The following SRBD1 variants were observed in gnomAD, a reference collection of about 807,000 sequenced individuals.
The protein encoded by SRBD1 is S1 RNA binding domain 1.
In SRBD1, 88 loss-of-function variants were observed where a neutral mutation model predicts 115.3. The ratio of observed to expected loss-of-function variants is 0.76; its 90% CI spans 0.64 to 0.91. The LOEUF (loss-of-function observed/expected upper bound fraction) is 0.91, where lower values mean the gene tolerates loss of function less well. SRBD1 is among the 40% of genes least tolerant of loss of function. The probability of loss-of-function intolerance (pLI) is 0.00; values close to 1 mark genes in which losing one functional copy is unlikely to be tolerated. For synonymous variants in SRBD1, 509 were observed against 407.7 expected (o/e 1.25, Z -2.99); for missense variants, 1,385 against 1,177.4 (o/e 1.18, Z -2.58).
At chr2:45,509,293 C>T (rs1189985282) in intron 14 of SRBD1, among the ~76,000 whole-genome samples, 2 of 152,028 alleles carry the variant, frequency 1.3e-5, no homozygotes, top group African/African-American at 4.8e-5. Flanking sequence ...CAAAATTTTA[C>T]GTATTAGAAA....
rs1308998298 is a variant in SRBD1, at chr2:45,414,747, TAC to T, written c.2334-1456_2334-1455del. Among the ~76,000 whole-genome samples, 69 of 111,954 alleles carry T rather than the reference TAC, an allele frequency of 6.2e-4. 2 individuals are homozygous for T. Among genetic ancestry groups the T allele is most frequent in the South Asian group, 4.7e-3 (17 of 3,610 alleles). 73.4% of individuals were successfully genotyped at this position (111,954 alleles called of 152,430 possible). On this transcript the variant is annotated intron_variant, in intron 18 of 20. Coordinates refer to ENST00000263736, the MANE Select transcript of SRBD1 (RefSeq NM_018079.5). ...ACACACACAGTGTGTATATAGTATGTACACACACACAGTGTGTATATAGTATG... is the reference window on the plus strand; with the variant it reads ...ACACACACAGTGTGTATATAGTATGTACACACACAGTGTGTATATAGTATG...
chr2:45,498,918 C>T (rs74597610), intron 14 of SRBD1, among the ~76,000 whole-genome samples: 12,552 of 152,188 alleles, frequency 0.082, 725 homozygotes, highest in African/African-American at 0.15. Context: ...TAGATTGATT[C>T]CATATCTTGG....
intron 9 of SRBD1, among the ~76,000 whole-genome samples, chr2:45,571,537 A>AAAAAAAAAAC (rs1553356650): frequency 1.4e-5 from 2 of 143,802 alleles, no homozygotes; most frequent in Admixed American, 7.3e-5. Flanking sequence ...AAAAAAAAAA[A>AAAAAAAAAAC]AAAAACTGTC....
intron 15 of SRBD1, among the ~76,000 whole-genome samples, chr2:45,484,641 A>G (rs193044870): frequency 6.6e-6 from 1 of 152,320 alleles, no homozygotes. Flanking sequence ...AGTCAGTGCT[A>G]CTTAGCATAC....
chr2:45,526,548 C>T (rs536673893), intron 14 of SRBD1, among the ~76,000 whole-genome samples: 1 of 151,794 alleles, frequency 6.6e-6, no homozygotes, highest in African/African-American at 2.4e-5. Flanking sequence ...GATAGCTGCA[C>T]ATCTGTGAAT....
At chr2:45,509,608 C>CACACACACACACAA (rs1670905233) in intron 14 of SRBD1, among the ~76,000 whole-genome samples, 1 of 145,100 alleles carries the variant, frequency 6.9e-6, no homozygotes, top group East Asian at 2.0e-4. Context: ...AACACACACA[C>CACACACACACACAA]ACACACACAC....
At chr2:45,590,190 C>T (rs138527832) in intron 4 of SRBD1, among the ~76,000 whole-genome samples, 174 of 152,322 alleles carry the variant, frequency 1.1e-3, no homozygotes, top group African/African-American at 4.0e-3. Flanking sequence ...ATTATTACAG[C>T]GAAAGAGATC....
intron 14 of SRBD1, among the ~76,000 whole-genome samples, chr2:45,534,078 T>C (rs939952327): frequency 2.0e-5 from 3 of 151,944 alleles, no homozygotes; most frequent in East Asian, 3.8e-4. Flanking sequence ...CAAAAACACA[T>C]GGGTTACAAA....
chr2:45,599,082 G>C (rs1233019382), intron 4 of SRBD1, among the ~76,000 whole-genome samples: 1 of 152,194 alleles, frequency 6.6e-6, no homozygotes, highest in Admixed American at 6.5e-5. Flanking sequence ...TGTATGAACA[G>C]CCAGTGACCT....
In SRBD1 at chr2:45,585,849, G is replaced by A; in HGVS notation, c.649-75C>T. On this transcript the variant is annotated intron_variant, in intron 4 of 20. Transcript: ENST00000263736. Reference sequence around the variant, plus strand: ...TATATCATGTATAATTTAAAACATAGTATCAAATAATGTTCTCCAGTGACT... The same window carrying A: ...TATATCATGTATAATTTAAAACATAATATCAAATAATGTTCTCCAGTGACT... The A allele has an allele frequency of 2.5e-6, 3 of 1,212,342 alleles. No homozygotes were observed. The South Asian group carries it at 5.0e-5, about 20-fold the overall frequency. The allele number at this position is 1,212,342 out of a possible 1,614,324, so 75.1% of individuals were successfully genotyped here. A position where few individuals can be genotyped will look rare whatever the true frequency, so the allele number is the denominator to read the frequency against.
intron 15 of SRBD1, among the ~76,000 whole-genome samples, chr2:45,484,871 G>A (rs1487232100): frequency 6.6e-6 from 1 of 152,102 alleles, no homozygotes; most frequent in Non-Finnish European, 1.5e-5. Context: ...TTTTACTTAT[G>A]TTGGCATGAC....
chr2:45,418,471 T>C lies in SRBD1; in HGVS notation c.2227A>G (p.Ile743Val), dbSNP rs777400008. ...IEWREKNGPFINREQLKKVKG... is the reference protein window; with the variant it reads ...IEWREKNGPFVNREQLKKVKG... ...ACTTTCTTCAGCTGTTCTCGGTTGA[T>C]AAAGGGTCCATTTTTCTCTCGCCAT... The change falls in exon 18 of 21, where the codon ATC becomes GTC. Residue 743 changes from isoleucine to valine, a missense_variant. Ile to Val is a conservative substitution (Grantham distance 29, BLOSUM62 3). Transcript: ENST00000263736. 13 of 1,613,894 alleles carry C rather than the reference T, an allele frequency of 8.1e-6. No individual in the cohort carries two copies. Among genetic ancestry groups the C allele is most frequent in the Non-Finnish European group, 1.0e-5 (12 of 1,179,966 alleles).
intron 14 of SRBD1, among the ~76,000 whole-genome samples, chr2:45,500,823 A>T (rs765776701): frequency 6.6e-6 from 1 of 152,108 alleles, no homozygotes; most frequent in Non-Finnish European, 1.5e-5. Flanking sequence ...AAAATATAAG[A>T]TGGTGTTGTC....
At chr2:45,390,408 T>A (rs906103528) in intron 20 of SRBD1, among the ~76,000 whole-genome samples, 1 of 152,172 alleles carries the variant, frequency 6.6e-6, no homozygotes, top group Non-Finnish European at 1.5e-5. Flanking sequence ...GTCCAAAAGG[T>A]AGGCATAAAG....
intron 16 of SRBD1, among the ~76,000 whole-genome samples, chr2:45,456,429 A>C (rs1489892347): frequency 6.6e-6 from 1 of 151,928 alleles, no homozygotes. Context: ...TGGTAAAAAA[A>C]ACTTTCCATG....
chr2:45,418,467 T>C lies in SRBD1; in HGVS notation c.2231A>G (p.Asn744Ser), dbSNP rs747949698. ...EWREKNGPFI[N>S]REQLKKVKGL... ...TTTCACTTTCTTCAGCTGTTCTCGG[T>C]TGATAAAGGGTCCATTTTTCTCTCG... is the stretch of plus-strand genomic sequence containing the variant. Residue 744 changes from asparagine to serine, a missense_variant, in exon 18 of 21, where the codon AAC becomes AGC. By Grantham distance (46) the Asn-to-Ser change is conservative. Transcript: ENST00000263736. 5 of 1,613,902 alleles carry C rather than the reference T, an allele frequency of 3.1e-6. No individual in the cohort carries two copies. In the Admixed American group the frequency reaches 5.0e-5, roughly 16 times the overall value.
intron 3 of SRBD1, among the ~76,000 whole-genome samples, chr2:45,601,380 G>C (rs1246800127): frequency 6.6e-6 from 1 of 152,180 alleles, no homozygotes; most frequent in Non-Finnish European, 1.5e-5. Context: ...TATTAAACCA[G>C]CACTCTGGTT....
chr2:45,534,511 CT>C (rs1177425235), intron 14 of SRBD1, among the ~76,000 whole-genome samples: 1 of 151,864 alleles, frequency 6.6e-6, no homozygotes, highest in East Asian at 1.9e-4. Context: ...AACACAGCAC[CT>C]TAACTTGTCA....
chr2:45,455,042 T>C (rs1669110918), intron 16 of SRBD1, among the ~76,000 whole-genome samples: 1 of 151,834 alleles, frequency 6.6e-6, no homozygotes, highest in Non-Finnish European at 1.5e-5. Flanking sequence ...AATCTCCTTG[T>C]GTACACCCAC....
Sources: gnomAD v4.1 joint callset for allele counts (sites outside exome capture counted in the v4.1 genomes callset) on GRCh38, gnomAD v4.1.1 for gene constraint, MANE v1.5 for transcripts, NCBI Gene and HGNC (gene_info 2026-07-23, HGNC 2026-07-21) for gene names.